Variants in GPC5 observed in about 807,000 individuals in gnomAD.
GPC5 encodes glypican-5.
Under a neutral mutation model 53.9 loss-of-function variants are expected in GPC5, and 47 were observed. The observed-to-expected ratio is 0.87, with a 90% CI of 0.69 to 1.11. The LOEUF is 1.11. Among genes scored for constraint, GPC5 ranks in the 50% most tolerant of loss-of-function variants. The probability of loss-of-function intolerance (pLI) is 0.00; values close to 1 mark genes in which losing one functional copy is unlikely to be tolerated. For missense variants in GPC5, 748 were observed against 713.1 expected (o/e 1.05, Z -0.56); for synonymous variants, 286 against 263.3 (o/e 1.09, Z -0.84).
chr13:91,671,976 A>C (rs576280966), intron 2 of GPC5, among the ~76,000 whole-genome samples: 1 of 152,226 alleles, frequency 6.6e-6, no homozygotes, highest in African/African-American at 2.4e-5. Context: ...AAACCTGACA[A>C]AAACAAGCAA....
chr13:92,015,682 TG>T (rs2040700555), intron 6 of GPC5, among the ~76,000 whole-genome samples: 1 of 152,158 alleles, frequency 6.6e-6, no homozygotes, highest in Admixed American at 6.6e-5. Context: ...ATTCTGTAGG[TG>T]GAATAACTTT....
chr13:92,479,696 G>T (rs934114652), intron 7 of GPC5, among the ~76,000 whole-genome samples: 11 of 152,154 alleles, frequency 7.2e-5, no homozygotes, highest in Non-Finnish European at 1.6e-4. Flanking sequence ...AAAGAGACTG[G>T]ATAATCCTCC....
At chr13:91,947,960 A>T (rs1454614550) in intron 6 of GPC5, among the ~76,000 whole-genome samples, 1 of 151,952 alleles carries the variant, frequency 6.6e-6, no homozygotes, top group Non-Finnish European at 1.5e-5. Flanking sequence ...GACCATCCTG[A>T]CCTTGCTCAA....
intron 5 of GPC5, among the ~76,000 whole-genome samples, chr13:91,860,362 C>T (rs978694581): frequency 6.6e-6 from 1 of 151,810 alleles, no homozygotes; most frequent in Non-Finnish European, 1.5e-5. Context: ...CACATAATAT[C>T]CTCCATTTCT....
chr13:91,478,020 C>G (rs954320384), intron 2 of GPC5, among the ~76,000 whole-genome samples: 3 of 151,002 alleles, frequency 2.0e-5, no homozygotes, highest in African/African-American at 7.3e-5. Flanking sequence ...TCCTGAGAAA[C>G]TATTCTTGGA....
chr13:91,889,250 G>A (rs892384371), intron 5 of GPC5, among the ~76,000 whole-genome samples: 2 of 152,174 alleles, frequency 1.3e-5, no homozygotes, highest in African/African-American at 4.8e-5. Flanking sequence ...GTCTGACTCA[G>A]GGGACAGGCT....
At chr13:91,746,657 G>A (rs571549864) in intron 4 of GPC5, among the ~76,000 whole-genome samples, 1 of 152,166 alleles carries the variant, frequency 6.6e-6, no homozygotes, top group Non-Finnish European at 1.5e-5. Context: ...ATGTAGATTA[G>A]AGCCATAGGC....
intron 7 of GPC5, among the ~76,000 whole-genome samples, chr13:92,757,718 G>C (rs900650655): frequency 6.6e-6 from 1 of 152,094 alleles, no homozygotes; most frequent in Non-Finnish European, 1.5e-5. Context: ...GCAGCCAAAA[G>C]ACACATGAAA....
intron 4 of GPC5, among the ~76,000 whole-genome samples, chr13:91,746,415 A>G (rs905384448): frequency 2.6e-5 from 4 of 152,192 alleles, no homozygotes; most frequent in Admixed American, 2.0e-4. Context: ...TCTCCATTTG[A>G]AAATAAGATC....
intron 7 of GPC5, among the ~76,000 whole-genome samples, chr13:92,414,988 C>A (rs1876222076): frequency 6.6e-6 from 1 of 152,110 alleles, no homozygotes; most frequent in South Asian, 2.1e-4. Flanking sequence ...GGGTTTCTCC[C>A]TAAATGGGGC....
chr13:91,813,410 G>A (rs569538900), intron 5 of GPC5, among the ~76,000 whole-genome samples: 1 of 152,316 alleles, frequency 6.6e-6, no homozygotes, highest in South Asian at 2.1e-4. Context: ...GCAGTACAGA[G>A]GCAGCCATGC....
intron 7 of GPC5, among the ~76,000 whole-genome samples, chr13:92,676,522 CTG>C (rs1161880738): frequency 6.6e-6 from 1 of 152,066 alleles, no homozygotes; most frequent in African/African-American, 2.4e-5. Flanking sequence ...CAAAATTAGG[CTG>C]TGGTTCTGTG....
At chr13:92,604,410 A>C (rs1884184420) in intron 7 of GPC5, among the ~76,000 whole-genome samples, 1 of 152,226 alleles carries the variant, frequency 6.6e-6, no homozygotes, top group Admixed American at 6.5e-5. Context: ...AGACATAGAT[A>C]ATAAGCAGTC....
intron 7 of GPC5, among the ~76,000 whole-genome samples, chr13:92,645,579 TG>T (rs1885740943): frequency 6.6e-6 from 1 of 152,202 alleles, no homozygotes; most frequent in African/African-American, 2.4e-5. Context: ...AATAAGTGCA[TG>T]TATGAATTTA....
At chr13:92,296,859 G>A (rs1274303062) in intron 7 of GPC5, among the ~76,000 whole-genome samples, 1 of 152,220 alleles carries the variant, frequency 6.6e-6, no homozygotes, top group Non-Finnish European at 1.5e-5. Flanking sequence ...CCGGCCCACT[G>A]GCGCTGTGCT....
At chr13:91,628,931 A>T (rs760284452) in intron 2 of GPC5, among the ~76,000 whole-genome samples, 58 of 152,260 alleles carry the variant, frequency 3.8e-4, no homozygotes, top group Middle Eastern at 3.4e-3. Flanking sequence ...TGAAATATAC[A>T]CTGGGATGCA....
intron 7 of GPC5, among the ~76,000 whole-genome samples, chr13:92,430,797 G>C (rs1340148953): frequency 6.6e-6 from 1 of 152,088 alleles, no homozygotes; most frequent in Non-Finnish European, 1.5e-5. Flanking sequence ...AGTCATAAGA[G>C]TAAAAAGGAG....
chr13:91,656,526 T>C (rs1292913954), intron 2 of GPC5, among the ~76,000 whole-genome samples: 2 of 152,176 alleles, frequency 1.3e-5, no homozygotes, highest in Non-Finnish European at 2.9e-5. Context: ...TCAAAGACTT[T>C]AGCATAAAGT....
chr13:91,895,452 G>A (rs2039431250), intron 5 of GPC5, among the ~76,000 whole-genome samples: 1 of 152,154 alleles, frequency 6.6e-6, no homozygotes, highest in East Asian at 1.9e-4. Context: ...GGTTGGACAA[G>A]CAGTCTCTGG....
Sources: allele counts gnomAD v4.1 joint callset (sites outside exome capture counted in the v4.1 genomes callset), GRCh38; gene constraint gnomAD v4.1.1; transcripts MANE v1.5; gene names NCBI Gene and HGNC (gene_info 2026-07-23, HGNC 2026-07-21).